Variants in SPIDR observed in about 807,000 individuals in gnomAD.
SPIDR encodes DNA repair-scaffolding protein.
SPIDR carries 93 observed loss-of-function variants against 104.6 expected under a neutral mutation model. That is an observed-to-expected ratio of 0.89 (90% CI 0.75 to 1.06). The LOEUF (loss-of-function observed/expected upper bound fraction) is 1.06, where lower values mean the gene tolerates loss of function less well. Among genes scored for constraint, SPIDR ranks in the 50% least tolerant of loss-of-function variants. The probability of loss-of-function intolerance (pLI) is 0.00; values close to 1 mark genes in which losing one functional copy is unlikely to be tolerated. For missense variants in SPIDR, 1,154 were observed against 1,111.2 expected (o/e 1.04, Z -0.55); for synonymous variants, 431 against 416.9 (o/e 1.03, Z -0.41).
chr8:47,574,389 G>A (rs902058639), intron 8 of SPIDR, among the ~76,000 whole-genome samples: 1 of 152,006 alleles, frequency 6.6e-6, no homozygotes, highest in African/African-American at 2.4e-5. Flanking sequence ...AATATAATCT[G>A]TTCTTATCTT....
intron 8 of SPIDR, among the ~76,000 whole-genome samples, chr8:47,594,712 G>A (rs1312082962): frequency 6.6e-6 from 1 of 151,920 alleles, no homozygotes; most frequent in Non-Finnish European, 1.5e-5. Context: ...GAAAACCCAG[G>A]GCCGGGCACA....
chr8:47,607,889 A>G (rs2063151060), intron 10 of SPIDR, among the ~76,000 whole-genome samples: 1 of 148,820 alleles, frequency 6.7e-6, no homozygotes, highest in Non-Finnish European at 1.5e-5. Context: ...TAGAAATTGG[A>G]ACTTGACTCA....
chr8:47,672,662 A>G (rs983429112), intron 10 of SPIDR, among the ~76,000 whole-genome samples: 1 of 152,014 alleles, frequency 6.6e-6, no homozygotes, highest in African/African-American at 2.4e-5. Context: ...GGGACCTTTT[A>G]CCTCTTTAAA....
intron 5 of SPIDR, among the ~76,000 whole-genome samples, chr8:47,331,986 T>TTC (rs2048789874): frequency 1.0e-4 from 4 of 38,708 alleles, no homozygotes; most frequent in East Asian, 7.2e-4. Context: ...TTTTTTTTTT[T>TTC]CTCTTTTTTT....
At chr8:47,385,078 T>A (rs1554647353) in intron 5 of SPIDR, among the ~76,000 whole-genome samples, 1 of 152,096 alleles carries the variant, frequency 6.6e-6, no homozygotes, top group Non-Finnish European at 1.5e-5. Context: ...TAAATATTTT[T>A]AAATAAAAAA....
intron 5 of SPIDR, among the ~76,000 whole-genome samples, chr8:47,368,501 A>G (rs1481914165): frequency 2.0e-5 from 3 of 152,038 alleles, no homozygotes; most frequent in Non-Finnish European, 2.9e-5. Flanking sequence ...TCCTGGTGTC[A>G]TCTTGCCAGC....
At chr8:47,507,276 T>G (rs748698419) in intron 8 of SPIDR, among the ~76,000 whole-genome samples, 1 of 152,210 alleles carries the variant, frequency 6.6e-6, no homozygotes, top group African/African-American at 2.4e-5. Context: ...GTCCATGATA[T>G]GTGCCCATAA....
intron 11 of SPIDR, among the ~76,000 whole-genome samples, chr8:47,685,508 TA>T (rs766348673): frequency 0.029 from 4,007 of 136,922 alleles, 213 homozygotes; most frequent in Non-Finnish European, 0.049. Context: ...TTTATTTATT[TA>T]TTTATTTATT....
At chr8:47,409,907 A>C (rs186388785) in intron 7 of SPIDR, among the ~76,000 whole-genome samples, 1 of 152,248 alleles carries the variant, frequency 6.6e-6, no homozygotes, top group East Asian at 1.9e-4. Flanking sequence ...ACACGTCTAT[A>C]GTCCTAACTA....
intron 5 of SPIDR, among the ~76,000 whole-genome samples, chr8:47,378,687 A>G (rs1342470122): frequency 2.6e-5 from 4 of 152,146 alleles, no homozygotes; most frequent in African/African-American, 9.7e-5. Flanking sequence ...TTTCACCCCA[A>G]AGTAATCTCA....
At chr8:47,419,846 A>G (rs2065095193) in intron 7 of SPIDR, among the ~76,000 whole-genome samples, 1 of 152,074 alleles carries the variant, frequency 6.6e-6, no homozygotes, top group Non-Finnish European at 1.5e-5. Flanking sequence ...TTCAAAGAAC[A>G]TCTTTATTTC....
At chr8:47,423,780 C>T (rs568683081) in intron 7 of SPIDR, among the ~76,000 whole-genome samples, 54 of 152,174 alleles carry the variant, frequency 3.5e-4, no homozygotes, top group African/African-American at 1.2e-3. Flanking sequence ...TGGAAACCTG[C>T]ACTTTAAAAT....
At chr8:47,331,986 T>C (rs2048788893) in intron 5 of SPIDR, among the ~76,000 whole-genome samples, 60 of 38,704 alleles carry the variant, frequency 1.6e-3, no homozygotes, top group Non-Finnish European at 2.3e-3. Flanking sequence ...TTTTTTTTTT[T>C]CTCTTTTTTT....
chr8:47,400,351 A>C (rs1377576413), intron 6 of SPIDR, among the ~76,000 whole-genome samples: 1 of 152,222 alleles, frequency 6.6e-6, no homozygotes, highest in Non-Finnish European at 1.5e-5. Flanking sequence ...GAACAACTAA[A>C]TGAGGATGTC....
chr8:47,336,737 T>C (rs2049835357), intron 5 of SPIDR, among the ~76,000 whole-genome samples: 1 of 152,250 alleles, frequency 6.6e-6, no homozygotes, highest in Non-Finnish European at 1.5e-5. Context: ...ATTAAAAAAC[T>C]GTGGGACTGT....
chr8:47,465,048 G>A (rs1405798288), intron 8 of SPIDR, among the ~76,000 whole-genome samples: 4 of 152,146 alleles, frequency 2.6e-5, no homozygotes, highest in Non-Finnish European at 5.9e-5. Context: ...ATGGGCATGA[G>A]CCACCGGGCC....
At chr8:47,391,165 C>T (rs536975415) in intron 5 of SPIDR, among the ~76,000 whole-genome samples, 23 of 152,214 alleles carry the variant, frequency 1.5e-4, no homozygotes, top group Middle Eastern at 3.4e-3. Flanking sequence ...GGGGGATATT[C>T]TAAAATACCA....
intron 16 of SPIDR, 135 bp downstream of exon 16, chr8:47,713,776 A>T: frequency 4.1e-6 from 5 of 1,208,888 alleles, no homozygotes; most frequent in East Asian, 2.6e-5. Flanking sequence ...AAAGAACAAA[A>T]GCAGAAATTG....
Position 47,484,175 on chromosome 8 carries a change from C to T in SPIDR, c.1097+43633C>T, listed in dbSNP as rs544579141. Among the ~76,000 whole-genome samples the T allele has an allele frequency of 3.3e-5, 5 of 152,114 alleles. No individual in the cohort carries two copies. In the East Asian group the frequency reaches 5.8e-4, roughly 18 times the overall value. ...CCGAAAGAAGTCACTTAATAAAGTG[C>T]GGAATGAGTGAAGGGAAGTTGCAGG... On this transcript the variant is annotated intron_variant, in intron 8 of 19. Transcript: ENST00000297423.
Sources: gnomAD v4.1 joint callset for allele counts (sites outside exome capture counted in the v4.1 genomes callset) on GRCh38, gnomAD v4.1.1 for gene constraint, MANE v1.5 for transcripts, NCBI Gene and HGNC (gene_info 2026-07-23, HGNC 2026-07-21) for gene names.